Variants in MEI4 observed in about 807,000 individuals in gnomAD.
MEI4 encodes the protein meiosis-specific protein MEI4.
Under a neutral mutation model 31.4 loss-of-function variants are expected in MEI4, and 27 were observed. The ratio of observed to expected loss-of-function variants is 0.86; its 90% CI spans 0.63 to 1.19. The LOEUF is 1.19. MEI4 is among the 50% of genes most tolerant of loss of function. MEI4 has a pLI of 0.00. For missense variants in MEI4, 329 were observed against 398.9 expected (o/e 0.82, Z 1.49); for synonymous variants, 122 against 145.4 (o/e 0.84, Z 1.16).
chr6:77,711,062 T>G (rs1164565651), intron 2 of MEI4, among the ~76,000 whole-genome samples: 4 of 152,172 alleles, frequency 2.6e-5, no homozygotes, highest in African/African-American at 9.7e-5. Flanking sequence ...ATAAGTGAGA[T>G]GATGCCATAT....
At chr6:77,663,997 G>T (rs1028899702) in intron 1 of MEI4, among the ~76,000 whole-genome samples, 1 of 152,200 alleles carries the variant, frequency 6.6e-6, no homozygotes, top group Non-Finnish European at 1.5e-5. Context: ...TTGGCCCAGT[G>T]GCCAGATTTC....
chr6:77,816,855 A>G (rs186991100), intron 3 of MEI4, among the ~76,000 whole-genome samples: 110 of 152,174 alleles, frequency 7.2e-4, no homozygotes, highest in African/African-American at 2.6e-3. Context: ...CTTTTTTTGA[A>G]CTTTTTGTAA....
chr6:77,730,095 G>C (rs767431287), intron 2 of MEI4, among the ~76,000 whole-genome samples: 5 of 152,094 alleles, frequency 3.3e-5, no homozygotes, highest in Non-Finnish European at 7.4e-5. Context: ...GCTTGTTCAA[G>C]GAGAGAGAGA....
intron 4 of MEI4, among the ~76,000 whole-genome samples, chr6:77,861,363 C>T (rs1770862587): frequency 6.6e-6 from 1 of 152,168 alleles, no homozygotes; most frequent in African/African-American, 2.4e-5. Flanking sequence ...AGGCCTGGTT[C>T]TTTCATTGAA....
intron 4 of MEI4, among the ~76,000 whole-genome samples, chr6:77,841,371 C>T (rs58225145): frequency 0.06 from 5,393 of 90,282 alleles, 353 homozygotes; most frequent in African/African-American, 0.21. Context: ...TGGAGTTTTG[C>T]GCTTGTCGCC....
In MEI4 at chr6:77,745,883, T is replaced by C. The variant is rs548524110; in HGVS notation, c.233-15247T>C. Among the ~76,000 whole-genome samples, 52 of 152,056 alleles carry C rather than the reference T, an allele frequency of 3.4e-4. No homozygotes were observed. In the East Asian group the frequency reaches 9.0e-3, roughly 26 times the overall value. On this transcript the variant is annotated intron_variant, in intron 2 of 4. Coordinates refer to ENST00000684080, the MANE Select transcript of MEI4 (RefSeq NM_001322247.2). ...TCCTGAATGACTACTGGGTACATAA[T>C]GAAATGAAGGGAGAAATAAAGATGT... is the stretch of plus-strand genomic sequence containing the variant.
Position 77,732,631 on chromosome 6 carries a change from C to T in MEI4, c.233-28499C>T, listed in dbSNP as rs552561632. Among the ~76,000 whole-genome samples the T allele has an allele frequency of 3.8e-4, 55 of 145,616 alleles. 1 individual carries two copies. The South Asian group carries it at 0.011, about 29-fold the overall frequency. ...GAATACCCTTTATTTCCTTCTCCTGCCTAATTGCCCTGGCCAAGACTTCCA... is the reference window on the plus strand; with the variant it reads ...GAATACCCTTTATTTCCTTCTCCTGTCTAATTGCCCTGGCCAAGACTTCCA... On this transcript the variant is annotated intron_variant, in intron 2 of 4. Coordinates refer to ENST00000684080, the MANE Select transcript of MEI4 (RefSeq NM_001322247.2).
At chr6:77,735,585 TC>T (rs1286479257) in intron 2 of MEI4, among the ~76,000 whole-genome samples, 1 of 152,102 alleles carries the variant, frequency 6.6e-6, no homozygotes, top group Non-Finnish European at 1.5e-5. Flanking sequence ...TTGAATGTCC[TC>T]CCGTAGCTCG....
chr6:77,763,216 T>C (rs1768083226), intron 3 of MEI4, among the ~76,000 whole-genome samples: 1 of 152,068 alleles, frequency 6.6e-6, no homozygotes, highest in Non-Finnish European at 1.5e-5. Context: ...TTCTTCCACC[T>C]TCCTCAAGCA....
At chr6:77,778,706 CAAATAAATAAAT>C (rs71546067) in intron 3 of MEI4, among the ~76,000 whole-genome samples, 87 of 145,774 alleles carry the variant, frequency 6.0e-4, no homozygotes, top group African/African-American at 1.6e-3. Context: ...GACCCTGTCT[CAAATAAATAAAT>C]AAATAAATAA....
intron 1 of MEI4, among the ~76,000 whole-genome samples, chr6:77,662,489 T>A (rs930113456): frequency 5.3e-5 from 8 of 151,966 alleles, no homozygotes; most frequent in African/African-American, 1.9e-4. Context: ...AAAGAGTGAG[T>A]ATAGCTGAAG....
intron 4 of MEI4, among the ~76,000 whole-genome samples, chr6:77,855,662 C>T (rs998769346): frequency 2.0e-5 from 3 of 152,088 alleles, no homozygotes; most frequent in Admixed American, 6.6e-5. Context: ...GGAAACACAA[C>T]TGTCACATTA....
intron 2 of MEI4, among the ~76,000 whole-genome samples, chr6:77,693,946 T>C (rs1769207584): frequency 6.6e-6 from 1 of 152,172 alleles, no homozygotes. Context: ...AATTGAATGA[T>C]TCTTGACAGA....
At position 77,911,861 on chromosome 6, in the gene MEI4, T is replaced by G. The variant is rs186512006; in HGVS notation, c.901-11228T>G. 9.9e-5 allele frequency among the ~76,000 whole-genome samples: 15 copies of G among 151,930 alleles called. No individual in the cohort carries two copies. The East Asian group carries it at 1.2e-3, about 12-fold the overall frequency. On this transcript the variant is annotated intron_variant, in intron 4 of 4. Transcript: ENST00000684080. ...CGTGAGTGCATTTATCTTTTTGATG[T>G]TGTTGCCTGTGTTTTTGAGGTCTTT...
Position 77,844,676 on chromosome 6 carries a change from A to C in MEI4, c.900+15614A>C, listed in dbSNP as rs189218901. Among the ~76,000 whole-genome samples the C allele has an allele frequency of 1.5e-3, 233 of 152,266 alleles. 1 individual carries two copies. The highest frequency in any genetic ancestry group is 5.4e-3 in the African/African-American group (224 of 41,578). ...TTAAATTATGCAGGGAATATATCAGAGTATATTTAATGTTGTATTTATAAC... is the reference window on the plus strand; with the variant it reads ...TTAAATTATGCAGGGAATATATCAGCGTATATTTAATGTTGTATTTATAAC... On this transcript the variant is annotated intron_variant, in intron 4 of 4. Transcript: ENST00000684080.
chr6:77,776,561 C>A (rs1768448070), intron 3 of MEI4, among the ~76,000 whole-genome samples: 1 of 151,914 alleles, frequency 6.6e-6, no homozygotes, highest in African/African-American at 2.4e-5. Flanking sequence ...TGGCTACTCT[C>A]TTGTGAAGGA....
chr6:77,711,050 A>G (rs1447136730), intron 2 of MEI4, among the ~76,000 whole-genome samples: 1 of 152,176 alleles, frequency 6.6e-6, no homozygotes, highest in East Asian at 1.9e-4. Flanking sequence ...TAGATTCCAC[A>G]TATAAGTGAG....
intron 4 of MEI4, among the ~76,000 whole-genome samples, chr6:77,919,218 C>A (rs1766641838): frequency 6.6e-6 from 1 of 151,990 alleles, no homozygotes; most frequent in Non-Finnish European, 1.5e-5. Context: ...CCACACCACA[C>A]CTATTCCAAA....
chr6:77,758,885 A>T (rs890354296), intron 2 of MEI4, among the ~76,000 whole-genome samples: 2 of 152,174 alleles, frequency 1.3e-5, no homozygotes, highest in Non-Finnish European at 2.9e-5. Flanking sequence ...CTAAGTCCTC[A>T]GAAGTGTCCT....
Sources: allele counts gnomAD v4.1 joint callset (sites outside exome capture counted in the v4.1 genomes callset), GRCh38; gene constraint gnomAD v4.1.1; transcripts MANE v1.5; gene names NCBI Gene and HGNC (gene_info 2026-07-23, HGNC 2026-07-21).